The following INSR variants were observed in gnomAD, a reference collection of about 807,000 sequenced individuals.
INSR encodes the protein insulin receptor.
Under a neutral mutation model 142.6 loss-of-function variants are expected in INSR, and 67 were observed. The ratio of observed to expected loss-of-function variants is 0.47; its 90% CI spans 0.39 to 0.58. The LOEUF is 0.58. Among genes scored for constraint, INSR ranks in the 20% least tolerant of loss-of-function variants. The pLI is 0.00. For missense variants in INSR, 1,248 were observed against 1,833.2 expected (o/e 0.68, Z 5.83); for synonymous variants, 756 against 743.1 (o/e 1.02, Z -0.28).
At chr19:7,263,042 CTGAGGTGGGT>C (rs1977111714) in intron 2 of INSR, among the ~76,000 whole-genome samples, 1 of 152,186 alleles carries the variant, frequency 6.6e-6, no homozygotes, top group African/African-American at 2.4e-5. Flanking sequence ...CTTTGCGAGG[CTGAGGTGGGT>C]GTATTGCTCG....
chr19:7,212,079 T>G (rs973778956), intron 2 of INSR, among the ~76,000 whole-genome samples: 5 of 151,922 alleles, frequency 3.3e-5, no homozygotes, highest in Admixed American at 2.6e-4. Flanking sequence ...CATTGCAGGG[T>G]GCTGAGCAGT....
At chr19:7,197,516 G>GTGGGTGTGTGTGTGTGTGT (rs1568480264) in intron 2 of INSR, among the ~76,000 whole-genome samples, 3 of 70,856 alleles carry the variant, frequency 4.2e-5, no homozygotes, top group African/African-American at 6.1e-5. Flanking sequence ...TGGGAGTGGG[G>GTGGGTGTGTGTGTGTGTGT]GTGTGTGTGT....
rs374888985 is a variant in INSR, at chr19:7,150,413, C to T, written c.2267+84G>A. ...CGCCGCATGCAAAAAGCCACAGAAA[C>T]CCCTGGGTTCTCCGAGGCATCTGCC... On this transcript the variant is annotated intron_variant, in intron 11 of 21. Transcript: ENST00000302850. The surrounding 1 kb of genome is among the most constrained non-coding windows in gnomAD (Gnocchi z 4.2). The T allele has an allele frequency of 2.3e-6, 3 of 1,311,230 alleles. No homozygotes were observed. The highest frequency in any genetic ancestry group is 1.2e-5 in the South Asian group (1 of 82,882). The allele number at this position is 1,311,230 out of a possible 1,614,324, so 81.2% of individuals were successfully genotyped here. A position where few individuals can be genotyped will look rare whatever the true frequency, so the allele number is the denominator to read the frequency against.
chr19:7,189,019 A>T (rs1974507592), intron 2 of INSR, among the ~76,000 whole-genome samples: 1 of 152,180 alleles, frequency 6.6e-6, no homozygotes, highest in Non-Finnish European at 1.5e-5. Flanking sequence ...GATAGAAATT[A>T]ACTACAGAGG....
At chr19:7,194,900 TG>T (rs1274338723) in intron 2 of INSR, among the ~76,000 whole-genome samples, 1 of 152,030 alleles carries the variant, frequency 6.6e-6, no homozygotes, top group African/African-American at 2.4e-5. Context: ...AATGTCCCAG[TG>T]TGCCAAATCA....
At chr19:7,124,251 C>T (rs1232184665) in intron 17 of INSR, among the ~76,000 whole-genome samples, 1 of 151,456 alleles carries the variant, frequency 6.6e-6, no homozygotes, top group Non-Finnish European at 1.5e-5. Context: ...CACCTGCAGT[C>T]CCAGCTACTC....
chr19:7,289,603 A>C lies in INSR; in HGVS notation c.100+4189T>G, dbSNP rs141742744. On this transcript the variant is annotated intron_variant, in intron 1 of 21. Transcript: ENST00000302850. Reference sequence around the variant, plus strand: ...GCATTTTTAGTAGAGATGGGGTTTCACCATGTTGGCCAGGGTGGTCTCAAA... The same window carrying C: ...GCATTTTTAGTAGAGATGGGGTTTCCCCATGTTGGCCAGGGTGGTCTCAAA... 2.8e-4 allele frequency among the ~76,000 whole-genome samples: 42 copies of C among 151,794 alleles called. No individual in the cohort carries two copies. The East Asian group carries it at 3.1e-3, about 11-fold the overall frequency.
At chr19:7,248,661 C>T (rs1976607817) in intron 2 of INSR, among the ~76,000 whole-genome samples, 1 of 151,310 alleles carries the variant, frequency 6.6e-6, no homozygotes, top group Non-Finnish European at 1.5e-5. Context: ...CTCTAAAATA[C>T]AGTAGACAAC....
rs121913146 is a variant in INSR, at chr19:7,267,518, C to T, written c.479G>A (p.Trp160Ter). ...CTCCACGGAATCCAGGATACGGGACCAGTCGATAGTGGCCAAGTAACAGAG... is the reference window on the plus strand; with the variant it reads ...CTCCACGGAATCCAGGATACGGGACTAGTCGATAGTGGCCAAGTAACAGAG... ...NELCYLATIDWSRILDSVEDN... is the reference protein window; with the variant it reads ...NELCYLATID The change falls in exon 2 of 22, where the codon TGG (tryptophan) becomes TAG (stop). Residue 160 changes from tryptophan to a stop codon, truncating the protein, a stop_gained. Coordinates refer to ENST00000302850, the MANE Select transcript of INSR (RefSeq NM_000208.4). LOFTEE classifies it high-confidence loss of function. The surrounding 1 kb of genome is among the most constrained non-coding windows in gnomAD (Gnocchi z 6.3). 1 of 1,614,104 alleles carries T rather than the reference C, an allele frequency of 6.2e-7. No individual in the cohort carries two copies.
chr19:7,169,237 G>A (rs1277708074), intron 6 of INSR, among the ~76,000 whole-genome samples: 1 of 151,946 alleles, frequency 6.6e-6, no homozygotes, highest in African/African-American at 2.4e-5. Flanking sequence ...CCTCCTTCCC[G>A]CTCTCTGTTC....
chr19:7,156,147 G>A (rs1299508292), intron 9 of INSR, among the ~76,000 whole-genome samples: 1 of 124,698 alleles, frequency 8.0e-6, no homozygotes, highest in Non-Finnish European at 1.6e-5. Context: ...TGCAGCCTCC[G>A]CCTCCTGGAT....
At chr19:7,198,646 G>A (rs1438886837) in intron 2 of INSR, among the ~76,000 whole-genome samples, 2 of 152,030 alleles carry the variant, frequency 1.3e-5, no homozygotes, top group East Asian at 1.9e-4. Context: ...ATTGCAGGGG[G>A]GGAGGGTCCG....
At position 7,161,025 on chromosome 19, in the gene INSR, T is replaced by C. The variant is rs1019544892; in HGVS notation, c.2029+2007A>G. On this transcript the variant is annotated intron_variant, in intron 9 of 21. Transcript: ENST00000302850. The stretch of plus-strand genomic sequence containing the variant: ...AAAAAAAAAAAGAAAATAATAATAA[T>C]AATAATTTTAAACTAATGTATACAC... 1.3e-5 allele frequency among the ~76,000 whole-genome samples: 2 copies of C among 148,672 alleles called. 1 individual carries two copies. Among genetic ancestry groups the C allele is most frequent in the Admixed American group, 1.3e-4 (2 of 14,874 alleles).
chr19:7,289,404 TC>T (rs373903755), intron 1 of INSR, among the ~76,000 whole-genome samples: 62 of 134,342 alleles, frequency 4.6e-4, no homozygotes, highest in South Asian at 8.5e-4. Flanking sequence ...TTTTTTCTTT[TC>T]TTTTTTTTTT....
Position 7,221,787 on chromosome 19 carries a change from C to T in INSR, c.653-37150G>A, listed in dbSNP as rs117942035. Among the ~76,000 whole-genome samples the T allele has an allele frequency of 1.7e-3, 262 of 152,182 alleles. 3 individuals are homozygous for T. The East Asian group carries it at 0.044, about 26-fold the overall frequency. On this transcript the variant is annotated intron_variant, in intron 2 of 21. Transcript: ENST00000302850. Reference sequence around the variant, plus strand: ...GCATCACACTGGGTTTCAACTTTTCCTTTCTAGCTATGTCCCCTTCTCTAG... The same window carrying T: ...GCATCACACTGGGTTTCAACTTTTCTTTTCTAGCTATGTCCCCTTCTCTAG...
At chr19:7,254,287 G>A (rs769514277) in intron 2 of INSR, among the ~76,000 whole-genome samples, 1 of 152,118 alleles carries the variant, frequency 6.6e-6, no homozygotes, top group African/African-American at 2.4e-5. Context: ...AGGCTGAAGC[G>A]AGAGGGTCAC....
intron 2 of INSR, among the ~76,000 whole-genome samples, chr19:7,212,172 C>A (rs1418861392): frequency 6.6e-6 from 1 of 152,030 alleles, no homozygotes; most frequent in Non-Finnish European, 1.5e-5. Flanking sequence ...CCAGAAATAT[C>A]CAGACCCACC....
chr19:7,153,357 ACCACACACCCCACACACACCATACACG>A (rs1568449988), intron 9 of INSR, among the ~76,000 whole-genome samples: 15 of 92,938 alleles, frequency 1.6e-4, no homozygotes, highest in East Asian at 7.5e-4. Context: ...CAGACCACAC[ACCACACACCCCACACACACCATACACG>A]CACCACACAC....
chr19:7,135,834 C>T lies in INSR; in HGVS notation c.2683-3517G>A, dbSNP rs560663195. Among the ~76,000 whole-genome samples, 129 of 151,700 alleles carry T rather than the reference C, an allele frequency of 8.5e-4. 1 individual carries two copies. The highest frequency in any genetic ancestry group is 3.0e-3 in the African/African-American group (126 of 41,346). On this transcript the variant is annotated intron_variant, in intron 13 of 21. Coordinates refer to ENST00000302850, the MANE Select transcript of INSR (RefSeq NM_000208.4). ...AAGACAAAAATTAGCCGGGCGAGGTCGTGGGTTCCTGTAGTCCCAGATACT... is the reference window on the plus strand; with the variant it reads ...AAGACAAAAATTAGCCGGGCGAGGTTGTGGGTTCCTGTAGTCCCAGATACT...
Sources: gnomAD v4.1 joint callset for allele counts (sites outside exome capture counted in the v4.1 genomes callset) on GRCh38, gnomAD v4.1.1 for gene constraint, Gnocchi (gnomAD v3.1) non-coding constraint, MANE v1.5 for transcripts, NCBI Gene and HGNC (gene_info 2026-07-23, HGNC 2026-07-21) for gene names.